FBXL7: variants seen among roughly 807,000 people sequenced by gnomAD.
FBXL7 encodes the protein F-box and leucine rich repeat protein 7.
A neutral mutation model predicts 38.3 loss-of-function variants in FBXL7; 12 were observed. That is an observed-to-expected ratio of 0.31 (90% CI 0.20 to 0.51). FBXL7 has a LOEUF of 0.51. Ranked by LOEUF, FBXL7 falls within the 20% of genes least tolerant of loss-of-function variation. The probability of loss-of-function intolerance (pLI) is 0.98; values close to 1 mark genes in which losing one functional copy is unlikely to be tolerated. For missense variants in FBXL7, 567 were observed against 676.4 expected (o/e 0.84, Z 1.79); for synonymous variants, 297 against 300.9 (o/e 0.99, Z 0.13).
chr5:15,631,744 G>A (rs1458001804), intron 2 of FBXL7, among the ~76,000 whole-genome samples: 2 of 150,372 alleles, frequency 1.3e-5, no homozygotes, highest in Non-Finnish European at 3.0e-5. Flanking sequence ...AGAGTTCAGA[G>A]GTAGACTGAA....
chr5:15,597,739 A>G (rs139648788), intron 1 of FBXL7, among the ~76,000 whole-genome samples: 3 of 152,338 alleles, frequency 2.0e-5, no homozygotes, highest in African/African-American at 7.2e-5. Context: ...TGATGCCTTC[A>G]TGCTAGAAGA....
intron 2 of FBXL7, among the ~76,000 whole-genome samples, chr5:15,796,746 C>T (rs148281234): frequency 6.5e-4 from 99 of 152,288 alleles, no homozygotes; most frequent in Non-Finnish European, 1.1e-3. Flanking sequence ...CAGGGCTCAC[C>T]GGGATCCATT....
Position 15,871,209 on chromosome 5 carries a change from C to A in FBXL7, c.128-56681C>A, listed in dbSNP as rs553432830. 9.2e-5 allele frequency among the ~76,000 whole-genome samples: 14 copies of A among 152,314 alleles called. 1 individual carries two copies. The highest frequency in any genetic ancestry group is 3.4e-4 in the African/African-American group (14 of 41,562). ...CCCCCAGCAAACTCCAGCAGACCTG[C>A]AGACTGTTAGAAGGAAAACTAACAA... On this transcript the variant is annotated intron_variant, in intron 2 of 3. Transcript: ENST00000504595.
At chr5:15,730,964 T>C (rs1243028959) in intron 2 of FBXL7, among the ~76,000 whole-genome samples, 1 of 152,196 alleles carries the variant, frequency 6.6e-6, no homozygotes, top group Non-Finnish European at 1.5e-5. Flanking sequence ...ATCATGAAGA[T>C]GTTAACAGGT....
chr5:15,545,220 C>T (rs1338574558), intron 1 of FBXL7, among the ~76,000 whole-genome samples: 1 of 152,234 alleles, frequency 6.6e-6, no homozygotes, highest in African/African-American at 2.4e-5. Context: ...CATCCCAGAT[C>T]TATCTGGTAC....
chr5:15,890,322 C>T (rs1236104566), intron 2 of FBXL7, among the ~76,000 whole-genome samples: 1 of 152,144 alleles, frequency 6.6e-6, no homozygotes, highest in Non-Finnish European at 1.5e-5. Flanking sequence ...ACAATCTGCT[C>T]ACTGCAACCT....
At chr5:15,621,895 A>C (rs1740658221) in intron 2 of FBXL7, among the ~76,000 whole-genome samples, 1 of 152,200 alleles carries the variant, frequency 6.6e-6, no homozygotes, top group South Asian at 2.1e-4. Flanking sequence ...TTTTGGATCC[A>C]ATACACTCAT....
intron 2 of FBXL7, among the ~76,000 whole-genome samples, chr5:15,812,094 C>T (rs545484694): frequency 6.6e-6 from 1 of 152,260 alleles, no homozygotes; most frequent in Non-Finnish European, 1.5e-5. Context: ...ACCCAAATGC[C>T]TATCAATGAT....
At chr5:15,708,623 A>G (rs1338578313) in intron 2 of FBXL7, among the ~76,000 whole-genome samples, 1 of 152,142 alleles carries the variant, frequency 6.6e-6, no homozygotes, top group Non-Finnish European at 1.5e-5. Flanking sequence ...TCTCTTAACC[A>G]TTTGTAAATC....
At chr5:15,920,552 CCT>C (rs1046954224) in intron 2 of FBXL7, among the ~76,000 whole-genome samples, 5 of 151,840 alleles carry the variant, frequency 3.3e-5, no homozygotes, top group Non-Finnish European at 5.9e-5. Flanking sequence ...ACAGAGTCTC[CCT>C]CTGTCACCCA....
intron 2 of FBXL7, among the ~76,000 whole-genome samples, chr5:15,725,012 T>C (rs1197814594): frequency 6.6e-6 from 1 of 152,224 alleles, no homozygotes; most frequent in Non-Finnish European, 1.5e-5. Context: ...CCTCAGACTG[T>C]ATTTTCTTGA....
intron 1 of FBXL7, among the ~76,000 whole-genome samples, chr5:15,503,626 T>C (rs1736561814): frequency 6.6e-6 from 1 of 152,216 alleles, no homozygotes; most frequent in Admixed American, 6.5e-5. Context: ...TAAATCTTCT[T>C]CCACCATGTG....
chr5:15,669,161 C>G (rs950525529), intron 2 of FBXL7, among the ~76,000 whole-genome samples: 1 of 152,020 alleles, frequency 6.6e-6, no homozygotes, highest in Admixed American at 6.6e-5. Context: ...CAGATGGTAA[C>G]TAATTGTAGC....
At chr5:15,811,599 A>G (rs1038662597) in intron 2 of FBXL7, among the ~76,000 whole-genome samples, 4 of 152,168 alleles carry the variant, frequency 2.6e-5, no homozygotes, top group African/African-American at 9.7e-5. Flanking sequence ...GGGAAGGGGT[A>G]CAATTCAGCC....
At chr5:15,763,570 C>A (rs572289839) in intron 2 of FBXL7, among the ~76,000 whole-genome samples, 9 of 152,158 alleles carry the variant, frequency 5.9e-5, no homozygotes, top group Admixed American at 2.6e-4. Context: ...GAAAGGAAAT[C>A]CATAATAGCA....
chr5:15,718,398 A>C (rs1167857118), intron 2 of FBXL7, among the ~76,000 whole-genome samples: 1 of 152,228 alleles, frequency 6.6e-6, no homozygotes, highest in Non-Finnish European at 1.5e-5. Flanking sequence ...AGAATCCCCA[A>C]GCTACTGAAA....
At chr5:15,732,838 A>T (rs539984665) in intron 2 of FBXL7, among the ~76,000 whole-genome samples, 2 of 152,320 alleles carry the variant, frequency 1.3e-5, no homozygotes, top group East Asian at 3.9e-4. Context: ...TTAATCTGGA[A>T]AGGGCAGAAG....
At chr5:15,548,231 A>C (rs1298523018) in intron 1 of FBXL7, among the ~76,000 whole-genome samples, 1 of 152,228 alleles carries the variant, frequency 6.6e-6, no homozygotes, top group East Asian at 1.9e-4. Flanking sequence ...ATAGCTTTGA[A>C]GGGTGAAACC....
intron 2 of FBXL7, among the ~76,000 whole-genome samples, chr5:15,906,745 C>T (rs1354232439): frequency 1.2e-5 from 1 of 84,172 alleles, no homozygotes; most frequent in Admixed American, 1.4e-4. Context: ...CAATTCCCAC[C>T]TATGAGTGAG....
Sources: gnomAD v4.1 joint callset for allele counts (sites outside exome capture counted in the v4.1 genomes callset) on GRCh38, gnomAD v4.1.1 for gene constraint, MANE v1.5 for transcripts, NCBI Gene and HGNC (gene_info 2026-07-23, HGNC 2026-07-21) for gene names.